The following VSIG4 variants were observed in gnomAD, a reference collection of about 807,000 sequenced individuals.
VSIG4 encodes V-set and immunoglobulin domain containing 4.
VSIG4 carries 34 observed loss-of-function variants against 23.4 expected under a neutral mutation model. The ratio of observed to expected loss-of-function variants is 1.45; its 90% CI spans 1.10 to 1.93. The LOEUF (loss-of-function observed/expected upper bound fraction) is 1.93, where lower values mean the gene tolerates loss of function less well. VSIG4 is among the 30% of genes most tolerant of loss of function. The probability of loss-of-function intolerance (pLI) is 0.00; values close to 1 mark genes in which losing one functional copy is unlikely to be tolerated. For missense variants in VSIG4, 433 were observed against 310.8 expected (o/e 1.39, Z -2.96); for synonymous variants, 169 against 120.3 (o/e 1.41, Z -2.65).
intron 1 of VSIG4, among the ~76,000 whole-genome samples, chrX:66,038,063 G>A (rs1305746224): frequency 9.0e-6 from 1 of 110,822 alleles, no homozygotes; most frequent in African/African-American, 3.3e-5. Context: ...CTGGATGGAG[G>A]ATTAACTTAT....
intron 6 of VSIG4, among the ~76,000 whole-genome samples, chrX:66,024,748 G>T (rs756894278): frequency 9.0e-6 from 1 of 111,587 alleles, no homozygotes; most frequent in Non-Finnish European, 1.9e-5. Context: ...TTGAGGCCAG[G>T]GATTGTGACT....
At chrX:66,028,200 C>T (rs931399862) in intron 3 of VSIG4, 88 bp from the exon 4 acceptor site, 5 of 776,632 alleles carry the variant, frequency 6.4e-6, no homozygotes, top group African/African-American at 2.1e-5. Flanking sequence ...TAAGTAAAGG[C>T]CATTCAGGTC....
At position 66,022,069 on chromosome X, in the gene VSIG4, A is replaced by T. The variant is rs1366500493; in HGVS notation, c.*194T>A. ...AGAGATACTAGAAGGGCCCAGAGCCAAATCCAGCAGCTGGCTTACTTGAGA... is the reference window on the plus strand; with the variant it reads ...AGAGATACTAGAAGGGCCCAGAGCCTAATCCAGCAGCTGGCTTACTTGAGA... On this transcript the variant is annotated 3_prime_UTR_variant, in exon 8 of 8. Transcript: ENST00000374737. 3.4e-6 allele frequency: 4 copies of T among 1,163,272 alleles called. No individual in the cohort carries two copies. Among genetic ancestry groups the T allele is most frequent in the Non-Finnish European group, 4.6e-6 (4 of 871,639 alleles).
In VSIG4 at chrX:66,032,459, G is replaced by A; in HGVS notation, c.694+9C>T. The A allele has an allele frequency of 3.3e-6, 4 of 1,204,031 alleles. No individual in the cohort carries two copies. Among genetic ancestry groups the A allele is most frequent in the Non-Finnish European group, 4.5e-6 (4 of 890,451 alleles). On this transcript the variant is annotated intron_variant, in intron 3 of 7. Coordinates refer to ENST00000374737, the MANE Select transcript of VSIG4 (RefSeq NM_007268.3). ...GTTAAGATGCTCACCAGGAAAGAGG[G>A]CCGCTCACCTTTGACCACAAACTTC...
chrX:66,036,759 A>AATATTATATATTATATTATATTAT (rs2085555142), intron 1 of VSIG4, among the ~76,000 whole-genome samples: 1 of 42,854 alleles, frequency 2.3e-5, no homozygotes, highest in Non-Finnish European at 3.6e-5. Context: ...TATATAATAT[A>AATATTATATATTATATTATATTAT]ATATAATATA....
In VSIG4 at chrX:66,032,493, G is replaced by A. The variant is rs749453785; in HGVS notation, c.669C>T (p.Ser223=). ...CTTTGACCACAAACTTCACAATGTC[G>A]CTGTGCTGCTCAGAGCCAACCTGGC... ...AKGQVGSEQH[S]DIVKFVVKDS... The change falls in exon 3 of 8, where the codon AGC becomes AGT. Residue 223 remains serine, a synonymous_variant. Transcript: ENST00000374737. The A allele has an allele frequency of 3.8e-5, 46 of 1,209,749 alleles. No individual in the cohort carries two copies. The highest frequency in any genetic ancestry group is 4.4e-5 in the Admixed American group (2 of 45,740).
At position 66,021,765 on chromosome X, in the gene VSIG4, G is replaced by A. The variant is rs986558394; in HGVS notation, c.*498C>T. 7.6e-5 allele frequency: 17 copies of A among 222,720 alleles called. No homozygotes were observed. The highest frequency in any genetic ancestry group is 8.5e-6 in the Non-Finnish European group (1 of 117,907). The allele number at this position is 222,720 out of a possible 1,213,427, so 18.4% of individuals were successfully genotyped here. On this transcript the variant is annotated 3_prime_UTR_variant, in exon 8 of 8. Coordinates refer to ENST00000374737, the MANE Select transcript of VSIG4 (RefSeq NM_007268.3). The stretch of plus-strand genomic sequence containing the variant: ...GCTGTTATGATTAGATATTTATTGA[G>A]CACCAGGAGAGAGTCAGAACATTAG...
intron 1 of VSIG4, among the ~76,000 whole-genome samples, 194 bp downstream of exon 1, chrX:66,039,750 T>G (rs1267588028): frequency 8.9e-6 from 1 of 112,477 alleles, no homozygotes; most frequent in Non-Finnish European, 1.9e-5. Context: ...CTGCCCAAAC[T>G]TGCCTTCTGG....
At chrX:66,036,857 A>G (rs2085566910) in intron 1 of VSIG4, among the ~76,000 whole-genome samples, 1 of 38,802 alleles carries the variant, frequency 2.6e-5, no homozygotes, top group South Asian at 1.9e-3. Context: ...TATTATATAT[A>G]TAATAATATA....
intron 1 of VSIG4, among the ~76,000 whole-genome samples, 195 bp downstream of exon 1, chrX:66,039,749 C>A (rs1039591395): frequency 1.8e-5 from 2 of 112,547 alleles, no homozygotes; most frequent in African/African-American, 6.4e-5. Flanking sequence ...TCTGCCCAAA[C>A]TTGCCTTCTG....
At chrX:66,027,924 G>A in intron 4 of VSIG4, 126 bp downstream of exon 4, 2 of 613,834 alleles carry the variant, frequency 3.3e-6, no homozygotes, top group Non-Finnish European at 5.4e-6. Flanking sequence ...TTCCTTTACT[G>A]CTATGTTCTC....
At position 66,028,075 on chromosome X, in the gene VSIG4, A is replaced by C. The variant is rs757828739; in HGVS notation, c.732T>G (p.Pro244=). Reference sequence around the variant, plus strand: ...CTTTCAAGGGGTATGTCATGGTTGTAGGTGCCTCAGTCTTGGTCTTGAGTA... The same window carrying C: ...CTTTCAAGGGGTATGTCATGGTTGTCGGTGCCTCAGTCTTGGTCTTGAGTA... The part of the protein sequence containing the change: ...SKLLKTKTEA[P]TTMTYPLKAT... The change falls in exon 4 of 8, where the codon CCT becomes CCG. Residue 244 remains proline, a synonymous_variant. Transcript: ENST00000374737. The C allele has an allele frequency of 3.3e-6, 4 of 1,210,939 alleles. No homozygotes were observed. The South Asian group carries it at 7.0e-5, about 21-fold the overall frequency.
rs766024337 is a variant in VSIG4 at position 66,040,050 on chromosome X, G to T, written c.-52C>A. On this transcript the variant is annotated 5_prime_UTR_variant, in exon 1 of 8. Coordinates refer to ENST00000374737, the MANE Select transcript of VSIG4 (RefSeq NM_007268.3). ...CTTCCAGCCTCCTGCTACCAAAGAGGCTCAAACTTCTGGTGGCCGCCAGCG... is the reference window on the plus strand; with the variant it reads ...CTTCCAGCCTCCTGCTACCAAAGAGTCTCAAACTTCTGGTGGCCGCCAGCG... 6.8e-6 allele frequency: 8 copies of T among 1,184,150 alleles called. No individual in the cohort carries two copies. The highest frequency in any genetic ancestry group is 3.0e-5 in the East Asian group (1 of 33,573).
intron 1 of VSIG4, among the ~76,000 whole-genome samples, chrX:66,039,362 G>T (rs1345679380): frequency 8.9e-6 from 1 of 111,903 alleles, no homozygotes; most frequent in African/African-American, 3.3e-5. Flanking sequence ...ACTGGATTTA[G>T]TTCAACACAA....
chrX:66,032,586 G>C lies in VSIG4; in HGVS notation c.576C>G (p.Thr192=). ...CAGGCTTGAAGAGTAAGGTACTTAG[G>C]GTTGCTACTTTGATGGGTTCCTGGT... ...TNNQEPIKVA[T]LSTLLFKPAV... The change falls in exon 3 of 8, where the codon ACC becomes ACG. Residue 192 remains threonine (T), a synonymous_variant. Coordinates refer to ENST00000374737, the MANE Select transcript of VSIG4 (RefSeq NM_007268.3). 8.3e-7 allele frequency: 1 copy of C among 1,211,535 alleles called. No homozygotes were observed. The highest frequency in any genetic ancestry group is 1.1e-6 in the Non-Finnish European group (1 of 895,377).
intron 1 of VSIG4, among the ~76,000 whole-genome samples, chrX:66,037,423 CATATAATAATATAATATATAATATAATT>C (rs1404612337): frequency 2.6e-4 from 2 of 7,697 alleles, no homozygotes; most frequent in Non-Finnish European, 3.6e-4. Context: ...TAATATATAT[CATATAATAATATAATATATAATATAATT>C]ATATAATAAT....
rs1321929982 is a variant in VSIG4, at chrX:66,027,529, A to G, written c.758-3T>C. The stretch of plus-strand genomic sequence containing the variant: ...GGACTGCTTCACTGTAGATGTTGCT[A>G]TGAATATAGAGAATAGGGTCAGAGA... On this transcript the variant is annotated splice_polypyrimidine_tract_variant and splice_region_variant and intron_variant, in intron 4 of 7. Transcript: ENST00000374737. The G allele has an allele frequency of 1.7e-6, 2 of 1,179,182 alleles. No individual in the cohort carries two copies. Among genetic ancestry groups the G allele is most frequent in the South Asian group, 3.7e-5 (2 of 54,005 alleles).
At chrX:66,023,347 A>T (rs966198034) in intron 6 of VSIG4, among the ~76,000 whole-genome samples, 1 of 111,688 alleles carries the variant, frequency 9.0e-6, no homozygotes, top group Admixed American at 9.5e-5. Context: ...ATTGGTTACC[A>T]TTGCCCCCTA....
rs187185187 is a variant in VSIG4 at position 66,022,820 on chromosome X, G to T, written c.962+21C>A. On this transcript the variant is annotated intron_variant, in intron 7 of 7. Transcript: ENST00000374737. ...GAGGGCAGGGACGGGGTCAAAAATG[G>T]AAGAGGAGAGACTTTCTTACCTGGC... The T allele has an allele frequency of 1.9e-5, 23 of 1,210,046 alleles. No individual in the cohort carries two copies. In the Admixed American group the frequency reaches 4.6e-4, roughly 24 times the overall value.
Sources: gnomAD v4.1 joint callset for allele counts (sites outside exome capture counted in the v4.1 genomes callset) on GRCh38, gnomAD v4.1.1 for gene constraint, MANE v1.5 for transcripts, NCBI Gene and HGNC (gene_info 2026-07-23, HGNC 2026-07-21) for gene names.